ZNF536: variants seen among roughly 807,000 people sequenced by gnomAD.
ZNF536 encodes the protein zinc finger protein 536.
Under a neutral mutation model 84.5 loss-of-function variants are expected in ZNF536, and 13 were observed. The ratio of observed to expected loss-of-function variants is 0.15; its 90% CI spans 0.10 to 0.24. The LOEUF is 0.24. Ranked by LOEUF, ZNF536 falls within the 10% of genes least tolerant of loss-of-function variation. The pLI, the probability that ZNF536 is intolerant of heterozygous loss-of-function variation, is 1.00. For synonymous variants in ZNF536, 811 were observed against 742.5 expected, an observed-to-expected ratio of 1.09 and a Z score of -1.50; for missense variants, 1,536 against 1,747.5, an observed-to-expected ratio of 0.88 and a Z score of 2.16.
rs865834971 is a variant in ZNF536, at chr19:30,615,072, G to T, written c.169+65558G>T. On this transcript the variant is annotated intron_variant, in intron 1 of 1. Coordinates refer to the ZNF536 transcript ENST00000592773. ...CGCCATTCTCCTGCCTCAGCCTCCC[G>T]TGTAGCTGGGACTACAGGTGCGCGC... 9.2e-5 allele frequency among the ~76,000 whole-genome samples: 13 copies of T among 140,762 alleles called. 1 individual carries two copies. Among genetic ancestry groups the T allele is most frequent in the African/African-American group, 3.5e-4 (13 of 37,336 alleles). The allele number at this position is 140,762 out of a possible 152,430, so 92.3% of individuals were successfully genotyped here.
chr19:30,456,688 A>T (rs1269125002), intron 2 of ZNF536, among the ~76,000 whole-genome samples: 1 of 152,166 alleles, frequency 6.6e-6, no homozygotes, highest in Non-Finnish European at 1.5e-5. Flanking sequence ...TCACTGAATG[A>T]TGAAATGCTT....
intron 2 of ZNF536, among the ~76,000 whole-genome samples, chr19:30,299,967 C>T (rs923636505): frequency 6.6e-6 from 1 of 152,106 alleles, no homozygotes; most frequent in African/African-American, 2.4e-5. Flanking sequence ...CAAGCCATCT[C>T]GATGCACAGT....
At position 30,443,548 on chromosome 19, in the gene ZNF536, C is replaced by T. The variant is rs373637353; in HGVS notation, c.-2-13C>T. 18 of 1,524,962 alleles carry T rather than the reference C, an allele frequency of 1.2e-5. No homozygotes were observed. The highest frequency in any genetic ancestry group is 1.6e-5 in the Non-Finnish European group (18 of 1,138,596). The allele number at this position is 1,524,962 out of a possible 1,614,324, so 94.5% of individuals were successfully genotyped here. The stretch of plus-strand genomic sequence containing the variant: ...GCACCTGGCACGGATCTGAACTCTG[C>T]CTCTCTTTTCAGGGATGGAAGAAGC... On this transcript the variant is annotated splice_polypyrimidine_tract_variant and intron_variant, in intron 1 of 4. Coordinates refer to ENST00000355537, the MANE Select transcript of ZNF536 (RefSeq NM_014717.3).
chr19:30,448,952 T>C (rs1397919823), intron 2 of ZNF536, among the ~76,000 whole-genome samples: 1 of 152,228 alleles, frequency 6.6e-6, no homozygotes, highest in Non-Finnish European at 1.5e-5. Context: ...CTGTTTGTTA[T>C]GTGAGCAAAA....
chr19:30,269,650 A>G (rs962781998), intron 1 of ZNF536, among the ~76,000 whole-genome samples: 1 of 152,188 alleles, frequency 6.6e-6, no homozygotes, highest in Admixed American at 6.5e-5. Context: ...ATTGGTGTTC[A>G]GGTTACATTC....
intron 1 of ZNF536, among the ~76,000 whole-genome samples, chr19:30,262,245 C>T (rs2025263985): frequency 6.6e-6 from 1 of 152,242 alleles, no homozygotes; most frequent in South Asian, 2.1e-4. Flanking sequence ...CCTCATTGTC[C>T]TCTCTTCCTC....
chr19:30,603,915 C>A (rs150756849), intron 1 of ZNF536, among the ~76,000 whole-genome samples: 2,377 of 152,222 alleles, frequency 0.016, 93 homozygotes, highest in Admixed American at 0.089. Context: ...CATGGTGAAA[C>A]CCAGTCTCTA....
intron 1 of ZNF536, among the ~76,000 whole-genome samples, chr19:30,609,895 T>TGTCC (rs2048035625): frequency 7.1e-6 from 1 of 140,862 alleles, no homozygotes; most frequent in Admixed American, 7.0e-5. Context: ...TCCACCCATT[T>TGTCC]ATCCATCCAT....
chr19:30,415,573 C>G lies in ZNF536; in HGVS notation c.-2-27988C>G, dbSNP rs377524113. On this transcript the variant is annotated intron_variant, in intron 1 of 4. Transcript: ENST00000355537. ...CTCAGTCTACAGACTGAAAAATCATCATGATCATCATCATCGTCATCGTCA... is the reference window on the plus strand; with the variant it reads ...CTCAGTCTACAGACTGAAAAATCATGATGATCATCATCATCGTCATCGTCA... Among the ~76,000 whole-genome samples the G allele has an allele frequency of 9.5e-4, 134 of 141,702 alleles. 5 individuals carry two copies. In the South Asian group the frequency reaches 0.033, roughly 35 times the overall value. The allele number at this position is 141,702 out of a possible 152,430, so 93.0% of individuals were successfully genotyped here.
chr19:30,575,124 C>CCATTCATT (rs370451298), intron 1 of ZNF536, among the ~76,000 whole-genome samples: 140 of 152,166 alleles, frequency 9.2e-4, no homozygotes, highest in African/African-American at 1.9e-3. Context: ...CAGAATTTAT[C>CCATTCATT]CATTCATTCA....
At chr19:30,711,140 A>G (rs1417629283) in exon 2 of ZNF536, 1 of 151,160 alleles carries the variant, frequency 6.6e-6, no homozygotes, top group Admixed American at 6.6e-5. Context: ...AAAAAATTTT[A>G]AAAGATATCT....
At chr19:30,362,650 C>G (rs904897734) in intron 3 of ZNF536, among the ~76,000 whole-genome samples, 1 of 152,198 alleles carries the variant, frequency 6.6e-6, no homozygotes, top group African/African-American at 2.4e-5. Flanking sequence ...TGAAGGACTT[C>G]CTTCCACAGG....
chr19:30,498,838 G>T (rs988390086), intron 2 of ZNF536, among the ~76,000 whole-genome samples: 4 of 152,060 alleles, frequency 2.6e-5, no homozygotes, highest in African/African-American at 9.7e-5. Flanking sequence ...GTCTGAGGCT[G>T]CAGTCCTCCG....
At chr19:30,349,574 G>T (rs569853570) in intron 2 of ZNF536, among the ~76,000 whole-genome samples, 1 of 152,120 alleles carries the variant, frequency 6.6e-6, no homozygotes, top group African/African-American at 2.4e-5. Flanking sequence ...GCTACACACT[G>T]GTTCCCTAGG....
chr19:30,702,104 T>C (rs1041168485), intron 1 of ZNF536, among the ~76,000 whole-genome samples: 16 of 152,112 alleles, frequency 1.1e-4, no homozygotes, highest in Admixed American at 3.3e-4. Flanking sequence ...ACAAGTGTGG[T>C]GCTGTAATGA....
chr19:30,290,853 C>G (rs1055471285), intron 2 of ZNF536, among the ~76,000 whole-genome samples: 3 of 152,126 alleles, frequency 2.0e-5, no homozygotes, highest in African/African-American at 7.2e-5. Context: ...CCCCACCCAC[C>G]AACAGGCCCT....
At chr19:30,376,505 C>T (rs1257887549) in intron 1 of ZNF536, among the ~76,000 whole-genome samples, 26 of 152,184 alleles carry the variant, frequency 1.7e-4, no homozygotes, top group Admixed American at 1.7e-3. Flanking sequence ...GTCAATTTCA[C>T]ACAGATAGCA....
intron 2 of ZNF536, among the ~76,000 whole-genome samples, chr19:30,330,233 G>A (rs1282497785): frequency 2.0e-5 from 3 of 152,164 alleles, no homozygotes; most frequent in Non-Finnish European, 2.9e-5. Flanking sequence ...TGCTAAATTC[G>A]ATCATGTAGA....
intron 1 of ZNF536, among the ~76,000 whole-genome samples, chr19:30,642,399 G>T (rs888837177): frequency 3.3e-5 from 5 of 152,134 alleles, no homozygotes; most frequent in African/African-American, 1.2e-4. Context: ...TTGACAGTCT[G>T]TCCTCCATCT....
Sources: allele counts gnomAD v4.1 joint callset (sites outside exome capture counted in the v4.1 genomes callset), GRCh38; gene constraint gnomAD v4.1.1; transcripts MANE v1.5; gene names NCBI Gene and HGNC (gene_info 2026-07-23, HGNC 2026-07-21).